The following GPM6B variants were observed in gnomAD, a reference collection of about 807,000 sequenced individuals.
GPM6B encodes glycoprotein M6B, also known as neuronal membrane glycoprotein M6-b.
Under a neutral mutation model 27.2 loss-of-function variants are expected in GPM6B, and 4 were observed. That is an observed-to-expected ratio of 0.15 (90% CI 0.07 to 0.34). GPM6B has a LOEUF of 0.34. Ranked by LOEUF, GPM6B falls within the 10% of genes least tolerant of loss-of-function variation. The pLI is 1.00. For synonymous variants in GPM6B, 124 were observed against 103.1 expected (o/e 1.20, Z -1.23); for missense variants, 183 against 261.9 (o/e 0.70, Z 2.08).
chrX:13,869,004 T>C (rs149362127), intron 1 of GPM6B, among the ~76,000 whole-genome samples: 1,343 of 112,111 alleles, frequency 0.012, 17 homozygotes, highest in African/African-American at 0.042. Flanking sequence ...GCATAGAGCA[T>C]GGGAGGCTGG....
At chrX:13,916,907 C>T (rs2050435618) in intron 1 of GPM6B, among the ~76,000 whole-genome samples, 1 of 111,208 alleles carries the variant, frequency 9.0e-6, no homozygotes, top group South Asian at 3.8e-4. Context: ...ATCACTGTGC[C>T]CATGAATTAT....
chrX:13,771,434 A>AAAAG lies in GPM6B; in HGVS notation c.*1443_*1446dup, dbSNP rs966575341. The AAAAG allele has an allele frequency of 6.2e-5, 7 of 112,118 alleles. No homozygotes were observed. The highest frequency in any genetic ancestry group is 2.3e-4 in the African/African-American group (7 of 30,840). The allele number at this position is 112,118 out of a possible 1,213,427, so 9.2% of individuals were successfully genotyped here. On this transcript the variant is annotated 3_prime_UTR_variant, in exon 8 of 8. Coordinates refer to ENST00000316715, the MANE Select transcript of GPM6B (RefSeq NM_001001995.3). The stretch of plus-strand genomic sequence containing the variant: ...ATAGGCATTTTTAGGCATTAACCAA[A>AAAAG]AAAGAGAATCCAAATGAAATATTAT...
chrX:13,898,221 C>G (rs1304958594), intron 1 of GPM6B, among the ~76,000 whole-genome samples: 1 of 111,646 alleles, frequency 9.0e-6, no homozygotes, highest in East Asian at 2.8e-4. Context: ...GAATTGTAGA[C>G]TATTTAGCAG....
chrX:13,887,168 C>A (rs2050145587), intron 1 of GPM6B, among the ~76,000 whole-genome samples: 2 of 112,324 alleles, frequency 1.8e-5, no homozygotes, highest in African/African-American at 6.5e-5. Flanking sequence ...CCATGCCAAT[C>A]TGTCCACTGA....
intron 1 of GPM6B, among the ~76,000 whole-genome samples, chrX:13,921,402 C>T (rs1439007150): frequency 1.8e-5 from 2 of 111,715 alleles, no homozygotes; most frequent in African/African-American, 6.5e-5. Flanking sequence ...GCTTAGCCCA[C>T]AGGGGTTCTT....
In GPM6B at chrX:13,847,574, C is replaced by G. The variant is rs368436389; in HGVS notation, c.-197-61766G>C. ...GAAGTGCTTGCTAATCTGTTGGCCA[C>G]TCAGCTATAAGTGGATTAATGCTGG... On this transcript the variant is annotated intron_variant, in intron 1 of 6. Transcript: ENST00000398361. 4.5e-5 allele frequency among the ~76,000 whole-genome samples: 5 copies of G among 111,765 alleles called. No homozygotes were observed. The East Asian group carries it at 1.4e-3, about 31-fold the overall frequency.
rs1472055900 is a variant in GPM6B at position 13,772,889 on chromosome X, A to T, written c.979T>A (p.Tyr327Asn). ...QSRSKEQLNS[Y>N]T ...AACACTCTGGCAAACATTTATGTGTAAGAATTGAGTTGTTCTTTTGACCGA... is the reference window on the plus strand; with the variant it reads ...AACACTCTGGCAAACATTTATGTGTTAGAATTGAGTTGTTCTTTTGACCGA... Residue 327 changes from tyrosine (Y) to asparagine (N), a missense_variant, in exon 8 of 8, where the codon TAC becomes AAC. Tyr to Asn is a moderately radical substitution (Grantham distance 143, BLOSUM62 -2). Coordinates refer to ENST00000316715, the MANE Select transcript of GPM6B (RefSeq NM_001001995.3). The T allele has an allele frequency of 8.3e-7, 1 of 1,208,727 alleles. No homozygotes were observed. Among genetic ancestry groups the T allele is most frequent in the Non-Finnish European group, 1.1e-6 (1 of 894,337 alleles).
At chrX:13,807,566 T>C in intron 2 of GPM6B, 84 bp downstream of exon 2, 1 of 784,648 alleles carries the variant, frequency 1.3e-6, no homozygotes, top group Non-Finnish European at 1.8e-6. Flanking sequence ...ACATAAAATA[T>C]CACCAAGCTG....
intron 1 of GPM6B, among the ~76,000 whole-genome samples, chrX:13,889,831 A>T (rs1603115615): frequency 9.3e-6 from 1 of 107,588 alleles, no homozygotes; most frequent in Non-Finnish European, 1.9e-5. Context: ...CAATCACATA[A>T]TTTTTTTTTT....
intron 2 of GPM6B, among the ~76,000 whole-genome samples, chrX:13,807,347 G>A (rs1245870531): frequency 2.7e-5 from 3 of 111,621 alleles, no homozygotes; most frequent in African/African-American, 9.8e-5. Context: ...GAAATTTCAT[G>A]GTTAACCAAA....
At chrX:13,846,293 C>T (rs774743681) in intron 1 of GPM6B, among the ~76,000 whole-genome samples, 3 of 110,874 alleles carry the variant, frequency 2.7e-5, no homozygotes, top group East Asian at 5.7e-4. Flanking sequence ...TCTGTGTTCC[C>T]GGACATCATG....
chrX:13,795,461 A>C (rs1160866790), intron 2 of GPM6B, among the ~76,000 whole-genome samples: 1 of 111,655 alleles, frequency 9.0e-6, no homozygotes, highest in Non-Finnish European at 1.9e-5. Flanking sequence ...GAGAAATTTG[A>C]GTTTTCTTCA....
chrX:13,925,440 CCT>C (rs1847328996), intron 1 of GPM6B, among the ~76,000 whole-genome samples: 1 of 109,091 alleles, frequency 9.2e-6, no homozygotes, highest in Non-Finnish European at 1.9e-5. Context: ...AATCCTCCCA[CCT>C]CTGTTTCCCA....
At chrX:13,835,189 G>A (rs1174602434) in intron 1 of GPM6B, among the ~76,000 whole-genome samples, 1 of 111,292 alleles carries the variant, frequency 9.0e-6, no homozygotes, top group East Asian at 2.8e-4. Context: ...CCAGCATCTA[G>A]CCCGGGACAA....
intron 2 of GPM6B, among the ~76,000 whole-genome samples, chrX:13,792,627 C>T (rs1383476423): frequency 1.8e-5 from 2 of 111,807 alleles, no homozygotes; most frequent in Non-Finnish European, 3.8e-5. Context: ...CTGGGCCGGG[C>T]GGGGTGGCTC....
rs184039333 is a variant in GPM6B, at chrX:13,857,412, T to C, written c.-197-71604A>G. 1.7e-3 allele frequency among the ~76,000 whole-genome samples: 186 copies of C among 112,421 alleles called. 1 individual carries two copies. The highest frequency in any genetic ancestry group is 5.5e-3 in the African/African-American group (169 of 30,969). On this transcript the variant is annotated intron_variant, in intron 1 of 6. Transcript: ENST00000398361. ...AAGCCAAAAGTACAGAAAATGTCTA[T>C]GTCATATATAACTTTCCACCTTAAC...
At position 13,921,208 on chromosome X, in the gene GPM6B, G is replaced by A. The variant is rs754653799; in HGVS notation, c.-198+17119C>T. Among the ~76,000 whole-genome samples the A allele has an allele frequency of 1.3e-3, 142 of 112,228 alleles. 1 individual carries two copies. The highest frequency in any genetic ancestry group is 4.4e-3 in the African/African-American group (137 of 30,964). ...GTCTGTCTGCATCAGGAAAAGATTTGTCCTGAAAGATGCCCTTCAGAAAGT... is the reference window on the plus strand; with the variant it reads ...GTCTGTCTGCATCAGGAAAAGATTTATCCTGAAAGATGCCCTTCAGAAAGT... On this transcript the variant is annotated intron_variant, in intron 1 of 6. Coordinates refer to the GPM6B transcript ENST00000398361.
At chrX:13,931,769 TG>T (rs1787004313) in intron 1 of GPM6B, among the ~76,000 whole-genome samples, 1 of 112,162 alleles carries the variant, frequency 8.9e-6, no homozygotes, top group South Asian at 3.7e-4. Context: ...TTCAGTTCCC[TG>T]ACCAAATCGT....
intron 3 of GPM6B, 112 bp from the exon 4 acceptor site, chrX:13,783,633 C>CACA: frequency 1.5e-6 from 1 of 654,897 alleles, no homozygotes; most frequent in South Asian, 2.7e-5. Flanking sequence ...GTGCGTCACT[C>CACA]GCCCCACTGA....
Sources: allele counts gnomAD v4.1 joint callset (sites outside exome capture counted in the v4.1 genomes callset), GRCh38; gene constraint gnomAD v4.1.1; transcripts MANE v1.5; gene names NCBI Gene and HGNC (gene_info 2026-07-23, HGNC 2026-07-21).